The following EXOC4 variants were observed in gnomAD, a reference collection of about 807,000 sequenced individuals.
EXOC4 encodes the protein exocyst complex component 4.
Under a neutral mutation model 107.2 loss-of-function variants are expected in EXOC4, and 71 were observed. That is an observed-to-expected ratio of 0.66 (90% CI 0.55 to 0.81). EXOC4 has a LOEUF of 0.81. Ranked by LOEUF, EXOC4 falls within the 30% of genes least tolerant of loss-of-function variation. The pLI, the probability that EXOC4 is intolerant of heterozygous loss-of-function variation, is 0.00. For synonymous variants in EXOC4, 456 were observed against 441.2 expected (o/e 1.03, Z -0.42); for missense variants, 1,108 against 1,189.6 (o/e 0.93, Z 1.01).
chr7:133,857,458 G>A (rs1415448213), intron 11 of EXOC4, among the ~76,000 whole-genome samples: 5 of 130,172 alleles, frequency 3.8e-5, no homozygotes, highest in Non-Finnish European at 6.4e-5. Flanking sequence ...TGTGGCTGGC[G>A]GCGCCTCTGC....
At chr7:133,819,764 A>G (rs1797465597) in intron 11 of EXOC4, among the ~76,000 whole-genome samples, 1 of 152,222 alleles carries the variant, frequency 6.6e-6, no homozygotes, top group South Asian at 2.1e-4. Context: ...AAAAAAAGGC[A>G]TCAGTACATT....
At chr7:133,419,270 TTAG>T (rs1213052775) in intron 7 of EXOC4, among the ~76,000 whole-genome samples, 1 of 152,058 alleles carries the variant, frequency 6.6e-6, no homozygotes, top group African/African-American at 2.4e-5. Context: ...TGATGTATGG[TTAG>T]TAGGACTGAA....
At chr7:133,621,215 T>G (rs1802321412) in intron 9 of EXOC4, among the ~76,000 whole-genome samples, 1 of 152,216 alleles carries the variant, frequency 6.6e-6, no homozygotes, top group Non-Finnish European at 1.5e-5. Flanking sequence ...ATCTTGTCCT[T>G]CCACTCCTCT....
rs369759731 is a variant in EXOC4, at chr7:133,903,655, G to A, written c.1871+7920G>A. Among the ~76,000 whole-genome samples, 320 of 152,284 alleles carry A rather than the reference G, an allele frequency of 2.1e-3. 2 individuals carry two copies. Among genetic ancestry groups the A allele is most frequent in the African/African-American group, 7.6e-3 (314 of 41,548 alleles). On this transcript the variant is annotated intron_variant, in intron 12 of 17. Coordinates refer to ENST00000253861, the MANE Select transcript of EXOC4 (RefSeq NM_021807.4). ...GTGTCTCTTAGCCATGTGGGGGAGG[G>A]AGTTGGACATATGCATCAAAACAAG...
intron 4 of EXOC4, among the ~76,000 whole-genome samples, chr7:133,308,045 T>C (rs1264057655): frequency 6.6e-6 from 1 of 151,994 alleles, no homozygotes; most frequent in Non-Finnish European, 1.5e-5. Flanking sequence ...CAAAATGAAG[T>C]AGAGAAATTT....
At chr7:133,932,738 ACT>A (rs1800208289) in intron 13 of EXOC4, among the ~76,000 whole-genome samples, 1 of 152,114 alleles carries the variant, frequency 6.6e-6, no homozygotes, top group African/African-American at 2.4e-5. Flanking sequence ...ACCAATTACC[ACT>A]GTTGTCAATA....
chr7:133,996,230 T>C (rs901638949), intron 14 of EXOC4, among the ~76,000 whole-genome samples: 1 of 152,168 alleles, frequency 6.6e-6, no homozygotes, highest in Non-Finnish European at 1.5e-5. Context: ...TTTAACCCCA[T>C]GATATAGATA....
chr7:133,645,202 C>T (rs1163538796), intron 10 of EXOC4, among the ~76,000 whole-genome samples: 3 of 151,766 alleles, frequency 2.0e-5, no homozygotes, highest in Non-Finnish European at 4.4e-5. Flanking sequence ...AGTGATTCTC[C>T]TGCCTCAGCC....
At chr7:133,523,078 G>T (rs1024294020) in intron 9 of EXOC4, among the ~76,000 whole-genome samples, 2 of 152,086 alleles carry the variant, frequency 1.3e-5, no homozygotes, top group African/African-American at 2.4e-5. Context: ...ACCATTATTT[G>T]CCCTCAGTTA....
At chr7:133,635,163 G>A (rs12530595) in intron 10 of EXOC4, among the ~76,000 whole-genome samples, 149,965 of 152,256 alleles carry the variant, frequency 0.98, 73,909 homozygotes, top group Middle Eastern at 1. Context: ...CATCATGGTA[G>A]TTATTAACCA....
chr7:133,740,484 A>C (rs1028026408), intron 10 of EXOC4, among the ~76,000 whole-genome samples: 2 of 152,078 alleles, frequency 1.3e-5, no homozygotes, highest in African/African-American at 4.8e-5. Flanking sequence ...TGCTCAGGAG[A>C]GTCTCTGTTA....
At chr7:133,958,115 CTTAGTAAATGTT>C (rs1432471207) in intron 14 of EXOC4, among the ~76,000 whole-genome samples, 1 of 152,158 alleles carries the variant, frequency 6.6e-6, no homozygotes, top group African/African-American at 2.4e-5. Context: ...ATAGCAGGCA[CTTAGTAAATGTT>C]TTATCAAATT....
chr7:133,980,904 C>A (rs1793964403), intron 14 of EXOC4, among the ~76,000 whole-genome samples: 1 of 152,120 alleles, frequency 6.6e-6, no homozygotes, highest in African/African-American at 2.4e-5. Flanking sequence ...TATTATTAAC[C>A]TTCACAAAGC....
intron 14 of EXOC4, among the ~76,000 whole-genome samples, chr7:133,955,233 G>A (rs1029422697): frequency 1.3e-5 from 2 of 152,236 alleles, no homozygotes; most frequent in African/African-American, 2.4e-5. Context: ...GTGAAGAGGA[G>A]CTTTATTGAG....
At chr7:133,968,509 T>C (rs571803437) in intron 14 of EXOC4, among the ~76,000 whole-genome samples, 1 of 152,350 alleles carries the variant, frequency 6.6e-6, no homozygotes, top group South Asian at 2.1e-4. Flanking sequence ...AGTACTTCCT[T>C]CAGGAACTCT....
chr7:133,368,839 G>A (rs1796302416), intron 6 of EXOC4, among the ~76,000 whole-genome samples: 1 of 152,082 alleles, frequency 6.6e-6, no homozygotes, highest in Non-Finnish European at 1.5e-5. Context: ...GCAATTAATT[G>A]AAATTAAAAT....
intron 10 of EXOC4, among the ~76,000 whole-genome samples, chr7:133,638,402 G>A (rs142167692): frequency 0.011 from 1,665 of 152,160 alleles, 35 homozygotes; most frequent in Non-Finnish European, 0.011. Flanking sequence ...TTCAGAGCTC[G>A]GGGTAGATAT....
At chr7:134,075,385 T>G in the EXOC4 span, among the ~76,000 whole-genome samples, 1 of 152,188 alleles carries the variant, frequency 6.6e-6, no homozygotes, top group Non-Finnish European at 1.5e-5. Context: ...TACCCAAGAC[T>G]GAGTAGTTTA....
At chr7:133,668,289 A>G (rs1011894087) in intron 10 of EXOC4, among the ~76,000 whole-genome samples, 3 of 152,236 alleles carry the variant, frequency 2.0e-5, no homozygotes, top group African/African-American at 7.2e-5. Context: ...ATGTATACAT[A>G]CAGAATATTC....
Sources: gnomAD v4.1 joint callset for allele counts (sites outside exome capture counted in the v4.1 genomes callset) on GRCh38, gnomAD v4.1.1 for gene constraint, MANE v1.5 for transcripts, NCBI Gene and HGNC (gene_info 2026-07-23, HGNC 2026-07-21) for gene names.